Variants in SMYD3 observed in about 807,000 individuals in gnomAD.
SMYD3 encodes SET and MYND domain containing 3, also known as histone-lysine N-methyltransferase SMYD3.
A neutral mutation model predicts 57.7 loss-of-function variants in SMYD3; 36 were observed. The ratio of observed to expected loss-of-function variants is 0.62; its 90% confidence interval spans 0.48 to 0.82. The LOEUF is 0.82. Among genes scored for constraint, SMYD3 ranks in the 40% least tolerant of loss-of-function variants. The pLI is 0.00. For missense variants in SMYD3, 515 were observed against 538.8 expected (o/e 0.96, Z 0.44); for synonymous variants, 211 against 195.0 (o/e 1.08, Z -0.68).
rs573975817 is a variant in SMYD3, at chr1:245,813,827, C to A, written c.1076+44669G>T. Among the ~76,000 whole-genome samples, 524 of 144,266 alleles carry A rather than the reference C, an allele frequency of 3.6e-3. 4 individuals carry two copies. The highest frequency in any genetic ancestry group is 5.4e-3 in the Non-Finnish European group (354 of 66,114). The allele number at this position is 144,266 out of a possible 152,430, so 94.6% of individuals were successfully genotyped here. On this transcript the variant is annotated intron_variant, in intron 10 of 11. Coordinates refer to ENST00000490107, the MANE Select transcript of SMYD3 (RefSeq NM_001167740.2). ...TGGCCTCAGAATATTAAGCACCTAA[C>A]CTGCTCTGTCATTTAGGTTAATTCA...
intron 11 of SMYD3, among the ~76,000 whole-genome samples, chr1:245,754,421 G>A (rs906608096): frequency 1.3e-5 from 2 of 152,036 alleles, no homozygotes; most frequent in East Asian, 3.9e-4. Flanking sequence ...AAATCACGAC[G>A]GGAAAAAATA....
rs538508658 is a variant in SMYD3 at position 246,067,500 on chromosome 1, C to T, written c.532-137563G>A. Among the ~76,000 whole-genome samples, 6 of 152,188 alleles carry T rather than the reference C, an allele frequency of 3.9e-5. No homozygotes were observed. The South Asian group carries it at 1.2e-3, about 32-fold the overall frequency. On this transcript the variant is annotated intron_variant, in intron 5 of 11. Coordinates refer to ENST00000490107, the MANE Select transcript of SMYD3 (RefSeq NM_001167740.2). ...GGGGAGAGCATCTGGGTTTTATCAC[C>T]AGGTGTGTCAGGATTTGCAGTTTCT... is the stretch of plus-strand genomic sequence containing the variant.
chr1:245,988,846 T>C (rs1227217383), intron 5 of SMYD3, among the ~76,000 whole-genome samples: 1 of 152,104 alleles, frequency 6.6e-6, no homozygotes, highest in Non-Finnish European at 1.5e-5. Flanking sequence ...GGAAAGGGAG[T>C]ATCTCCTCTT....
chr1:246,134,294 C>A (rs2061633393), intron 5 of SMYD3, among the ~76,000 whole-genome samples: 1 of 152,062 alleles, frequency 6.6e-6, no homozygotes, highest in African/African-American at 2.4e-5. Flanking sequence ...CCAACCTAAG[C>A]TCCACTTCAA....
intron 1 of SMYD3, among the ~76,000 whole-genome samples, chr1:246,437,401 C>A (rs536911326): frequency 6.6e-6 from 1 of 152,052 alleles, no homozygotes; most frequent in African/African-American, 2.4e-5. Flanking sequence ...TGAATGCTTA[C>A]CAGTGTCCAG....
intron 1 of SMYD3, among the ~76,000 whole-genome samples, chr1:246,416,982 C>G (rs1047613959): frequency 2.6e-5 from 4 of 152,098 alleles, no homozygotes; most frequent in African/African-American, 9.7e-5. Flanking sequence ...TTGCCAAGAC[C>G]AGACAGACTG....
At chr1:246,336,173 T>A (rs1291307237) in intron 2 of SMYD3, among the ~76,000 whole-genome samples, 1 of 152,120 alleles carries the variant, frequency 6.6e-6, no homozygotes, top group South Asian at 2.1e-4. Context: ...AAAGAGACCA[T>A]TGAGTCAGTT....
At chr1:246,373,244 T>C (rs1302807807) in intron 1 of SMYD3, among the ~76,000 whole-genome samples, 1 of 152,068 alleles carries the variant, frequency 6.6e-6, no homozygotes, top group East Asian at 1.9e-4. Flanking sequence ...CATGATCAAA[T>C]AAACATAAAC....
chr1:246,103,623 A>G (rs1433391777), intron 5 of SMYD3, among the ~76,000 whole-genome samples: 1 of 152,098 alleles, frequency 6.6e-6, no homozygotes, highest in Non-Finnish European at 1.5e-5. Flanking sequence ...CTCTTAACTA[A>G]TCTCTCCCCT....
rs147000530 is a variant in SMYD3 at position 245,994,440 on chromosome 1, C to T, written c.532-64503G>A. Among the ~76,000 whole-genome samples, 26 of 152,296 alleles carry T rather than the reference C, an allele frequency of 1.7e-4. No individual in the cohort carries two copies. The East Asian group carries it at 4.8e-3, about 28-fold the overall frequency. Reference sequence around the variant, plus strand: ...CTGGCCATCGGGTTACTGTTGTCCACGTGTCGGATGGCTAGAGACGCTGTG... The same window carrying T: ...CTGGCCATCGGGTTACTGTTGTCCATGTGTCGGATGGCTAGAGACGCTGTG... On this transcript the variant is annotated intron_variant, in intron 5 of 11. Transcript: ENST00000490107.
chr1:245,828,629 G>T (rs574793049), intron 10 of SMYD3, among the ~76,000 whole-genome samples: 2 of 152,086 alleles, frequency 1.3e-5, no homozygotes, highest in Admixed American at 1.3e-4. Context: ...ATCCCAGTAA[G>T]ATGTAAATCT....
In SMYD3 at chr1:246,355,152, T is replaced by C. The variant is rs1402195068; in HGVS notation, c.165-58A>G. On this transcript the variant is annotated intron_variant, in intron 1 of 11. Transcript: ENST00000490107. This position sits in a 1 kb window ranked among gnomAD's most constrained non-coding sequence, Gnocchi z 5.0. ...AATGAGTGGGAAACATAGTACATAG[T>C]TGAAGAAAGAAAACATAAGTCAACA... 36 of 1,529,002 alleles carry C rather than the reference T, an allele frequency of 2.4e-5. No homozygotes were observed. Among genetic ancestry groups the C allele is most frequent in the Non-Finnish European group, 3.2e-5 (35 of 1,102,720 alleles). The allele number at this position is 1,529,002 out of a possible 1,614,324, so 94.7% of individuals were successfully genotyped here.
chr1:246,257,888 G>C (rs1439043163), intron 5 of SMYD3, among the ~76,000 whole-genome samples: 2 of 152,166 alleles, frequency 1.3e-5, no homozygotes, highest in South Asian at 2.1e-4. Context: ...TCCTGCTTCT[G>C]CCTTGTAAGA....
chr1:245,955,442 T>A (rs991354633), intron 5 of SMYD3, among the ~76,000 whole-genome samples: 1 of 152,198 alleles, frequency 6.6e-6, no homozygotes, highest in South Asian at 2.1e-4. Flanking sequence ...AGCTTTTATA[T>A]CTTTATTCAT....
At chr1:245,825,071 G>T (rs1025599100) in intron 10 of SMYD3, among the ~76,000 whole-genome samples, 2 of 152,074 alleles carry the variant, frequency 1.3e-5, no homozygotes, top group Admixed American at 1.3e-4. Context: ...ATGTAAACTC[G>T]CCAAGAGCTC....
At chr1:246,504,666 A>G (rs10218777) in intron 1 of SMYD3, among the ~76,000 whole-genome samples, 34,850 of 152,022 alleles carry the variant, frequency 0.23, 4,614 homozygotes, top group African/African-American at 0.38. Flanking sequence ...TTTTCATTCC[A>G]TACTTAATTC....
At chr1:246,100,172 T>C (rs1300241474) in intron 5 of SMYD3, among the ~76,000 whole-genome samples, 1 of 152,158 alleles carries the variant, frequency 6.6e-6, no homozygotes, top group Non-Finnish European at 1.5e-5. Flanking sequence ...GGTTGCGCCA[T>C]TGCACTCTAG....
intron 5 of SMYD3, among the ~76,000 whole-genome samples, chr1:245,997,572 G>A (rs1285041588): frequency 1.3e-5 from 2 of 152,218 alleles, no homozygotes; most frequent in Admixed American, 1.3e-4. Context: ...AAACCAAGAT[G>A]TGGGCTGGCT....
intron 1 of SMYD3, among the ~76,000 whole-genome samples, chr1:246,496,054 T>C (rs113219162): frequency 0.017 from 2,541 of 152,156 alleles, 37 homozygotes; most frequent in Non-Finnish European, 0.026. Flanking sequence ...TGTTATTGTT[T>C]TGATATGGAG....
Sources: gnomAD v4.1 joint callset for allele counts (sites outside exome capture counted in the v4.1 genomes callset) on GRCh38, gnomAD v4.1.1 for gene constraint, Gnocchi (gnomAD v3.1) non-coding constraint, MANE v1.5 for transcripts, NCBI Gene and HGNC (gene_info 2026-07-23, HGNC 2026-07-21) for gene names.